DACH2: variants seen among roughly 807,000 people sequenced by gnomAD.
DACH2 encodes dachshund homolog 2.
Under a neutral mutation model 35.8 loss-of-function variants are expected in DACH2, and 17 were observed. The ratio of observed to expected loss-of-function variants is 0.48; its 90% CI spans 0.33 to 0.71. The LOEUF (loss-of-function observed/expected upper bound fraction) is 0.71, where lower values mean the gene tolerates loss of function less well. Among genes scored for constraint, DACH2 ranks in the 30% least tolerant of loss-of-function variants. The pLI is 0.02. For synonymous variants in DACH2, 195 were observed against 177.3 expected, an observed-to-expected ratio of 1.10 and a Z score of -0.79; for missense variants, 469 against 472.7, an observed-to-expected ratio of 0.99 and a Z score of 0.07.
At chrX:86,783,027 T>A (rs1385955717) in intron 7 of DACH2, among the ~76,000 whole-genome samples, 1 of 111,556 alleles carries the variant, frequency 9.0e-6, no homozygotes, top group Non-Finnish European at 1.9e-5. Flanking sequence ...TGGCAAGGGA[T>A]TAATAACCAG....
chrX:86,218,356 A>G (rs150334357), intron 1 of DACH2, among the ~76,000 whole-genome samples: 236 of 111,953 alleles, frequency 2.1e-3, no homozygotes, highest in African/African-American at 7.2e-3. Flanking sequence ...TTATTATTTA[A>G]ATAGTCTCCT....
intron 1 of DACH2, among the ~76,000 whole-genome samples, chrX:86,222,364 T>TC (rs2032731374): frequency 8.9e-6 from 1 of 111,942 alleles, no homozygotes; most frequent in South Asian, 3.7e-4. Flanking sequence ...TCTGCACATA[T>TC]ATTCCAGAAA....
chrX:86,313,126 TG>T (rs2034832061), intron 1 of DACH2, among the ~76,000 whole-genome samples: 1 of 111,335 alleles, frequency 9.0e-6, no homozygotes, highest in Admixed American at 9.6e-5. Flanking sequence ...AATATATACA[TG>T]TATTGAAACA....
At chrX:86,546,421 C>T (rs1446262501) in intron 3 of DACH2, among the ~76,000 whole-genome samples, 1 of 81,185 alleles carries the variant, frequency 1.2e-5, no homozygotes, top group African/African-American at 5.4e-5. Context: ...CTTCTTCTTT[C>T]TTCTTCTTCT....
intron 6 of DACH2, among the ~76,000 whole-genome samples, chrX:86,716,660 T>TTTTC: frequency 8.9e-6 from 1 of 112,327 alleles, no homozygotes; most frequent in East Asian, 2.8e-4. Flanking sequence ...TTTTCATAAA[T>TTTTC]ACCATATTTA....
intron 4 of DACH2, among the ~76,000 whole-genome samples, chrX:86,667,549 A>AAAGAAAGAAAGAAAG: frequency 3.1e-5 from 1 of 32,409 alleles, no homozygotes; most frequent in East Asian, 9.1e-4. Flanking sequence ...AAGAAAGAAG[A>AAAGAAAGAAAGAAAG]AAGAAAGAAA....
At chrX:86,379,933 C>A (rs1256288635) in intron 2 of DACH2, among the ~76,000 whole-genome samples, 1 of 110,533 alleles carries the variant, frequency 9.0e-6, no homozygotes, top group Admixed American at 9.7e-5. Context: ...TTTAAATATA[C>A]TAATGAATGA....
chrX:86,527,810 G>C (rs2038655691), intron 3 of DACH2, among the ~76,000 whole-genome samples: 1 of 111,654 alleles, frequency 9.0e-6, no homozygotes, highest in African/African-American at 3.3e-5. Flanking sequence ...ATTCCTGTCA[G>C]CTATGTATGG....
chrX:86,283,731 G>C (rs903992564), intron 1 of DACH2, among the ~76,000 whole-genome samples: 1 of 107,341 alleles, frequency 9.3e-6, no homozygotes, highest in Non-Finnish European at 1.9e-5. Context: ...TGTTGGGGGT[G>C]GGGGGACTGG....
chrX:86,526,115 C>A (rs1264095031), intron 3 of DACH2, among the ~76,000 whole-genome samples: 1 of 111,056 alleles, frequency 9.0e-6, no homozygotes, highest in Non-Finnish European at 1.9e-5. Flanking sequence ...GAGTGGATGG[C>A]TGTACTAAAA....
intron 6 of DACH2, among the ~76,000 whole-genome samples, chrX:86,718,418 A>G (rs1289074377): frequency 1.8e-5 from 2 of 111,088 alleles, no homozygotes; most frequent in South Asian, 3.8e-4. Context: ...ATTATCTCCC[A>G]TTCTATAGGT....
intron 1 of DACH2, among the ~76,000 whole-genome samples, chrX:86,170,860 C>T (rs139231765): frequency 0.018 from 2,030 of 112,040 alleles, 55 homozygotes; most frequent in African/African-American, 0.063. Flanking sequence ...TTTAGGGAGA[C>T]GTGAGACCTC....
chrX:86,244,707 G>T (rs748195940), intron 1 of DACH2, among the ~76,000 whole-genome samples: 1 of 111,945 alleles, frequency 8.9e-6, no homozygotes, highest in Non-Finnish European at 1.9e-5. Context: ...TTCCTTGCCT[G>T]TAAAATGAAG....
rs145834754 is a variant in DACH2, at chrX:86,341,135, T to A, written c.489-35689T>A. Among the ~76,000 whole-genome samples the A allele has an allele frequency of 5.3e-3, 586 of 111,155 alleles. 4 individuals carry two copies. The highest frequency in any genetic ancestry group is 0.018 in the African/African-American group (560 of 30,571). ...CAGTGTAGATGAAACAGTCTCATAG[T>A]GGGAAAACATACTGTCTAGAAGTGG... is the stretch of plus-strand genomic sequence containing the variant. On this transcript the variant is annotated intron_variant, in intron 1 of 11. Transcript: ENST00000373125.
intron 2 of DACH2, chrX:86,481,692 G>A (rs2037937608): frequency 8.9e-6 from 1 of 111,918 alleles, no homozygotes. Context: ...TTCAGCACAA[G>A]TTTACATTGT....
intron 3 of DACH2, among the ~76,000 whole-genome samples, chrX:86,538,445 A>T (rs745399210): frequency 1.1e-3 from 118 of 111,905 alleles, no homozygotes; most frequent in Admixed American, 1.8e-3. Flanking sequence ...TATTAACAAT[A>T]GCCCCACTTC....
chrX:86,812,901 A>G lies in DACH2; in HGVS notation c.1286A>G (p.Lys429Arg). ...CCAATAATGAAGTCACCCTTGGACAAGATACAGCTGACTCCTGGGCAGGCA... is the reference window on the plus strand; with the variant it reads ...CCAATAATGAAGTCACCCTTGGACAGGATACAGCTGACTCCTGGGCAGGCA... ...QIPIMKSPLD[K>R]IQLTPGQALP... The change falls in exon 8 of 12, where the codon AAG (lysine) becomes AGG (arginine). Residue 429 changes from lysine to arginine, a missense_variant. Physicochemically the swap from Lys to Arg is conservative, Grantham distance 26. Transcript: ENST00000373125. 1 of 1,207,343 alleles carries G rather than the reference A, an allele frequency of 8.3e-7. No homozygotes were observed. Among genetic ancestry groups the G allele is most frequent in the African/African-American group, 1.7e-5 (1 of 57,609 alleles).
chrX:86,386,515 T>C (rs980526369), intron 2 of DACH2, among the ~76,000 whole-genome samples: 16 of 111,179 alleles, frequency 1.4e-4, no homozygotes, highest in African/African-American at 4.9e-4. Context: ...TTTGGAATTC[T>C]TCTAAATGAG....
intron 7 of DACH2, among the ~76,000 whole-genome samples, chrX:86,757,487 C>T (rs1602905581): frequency 8.9e-6 from 1 of 111,974 alleles, no homozygotes; most frequent in Admixed American, 9.5e-5. Context: ...AGCTGTGAAG[C>T]CATCTGGTCC....
Sources: gnomAD v4.1 joint callset for allele counts (sites outside exome capture counted in the v4.1 genomes callset) on GRCh38, gnomAD v4.1.1 for gene constraint, MANE v1.5 for transcripts, NCBI Gene and HGNC (gene_info 2026-07-23, HGNC 2026-07-21) for gene names.